WIPF1: variants seen among roughly 807,000 people sequenced by gnomAD.
WIPF1 encodes WAS/WASL interacting protein family member 1.
A neutral mutation model predicts 35.4 loss-of-function variants in WIPF1; 13 were observed. That is an observed-to-expected ratio of 0.37 (90% CI 0.24 to 0.58). The LOEUF (loss-of-function observed/expected upper bound fraction) is 0.58, where lower values mean the gene tolerates loss of function less well. Among genes scored for constraint, WIPF1 ranks in the 20% least tolerant of loss-of-function variants. WIPF1 has a pLI of 0.74. For synonymous variants in WIPF1, 267 were observed against 266.3 expected (o/e 1.00, Z -0.02); for missense variants, 591 against 667.0 (o/e 0.89, Z 1.25).
intron 1 of WIPF1, among the ~76,000 whole-genome samples, chr2:174,637,177 G>C (rs889283016): frequency 2.6e-5 from 4 of 151,796 alleles, no homozygotes. Context: ...TTCCAGCTTC[G>C]GCCACTGGGA....
upstream of WIPF1, among the ~76,000 whole-genome samples, chr2:174,602,410 C>T (rs1240999372): frequency 6.6e-6 from 1 of 152,168 alleles, no homozygotes; most frequent in Admixed American, 6.5e-5. Context: ...GTTGTGTTTC[C>T]ATGACTACCT....
intron 2 of WIPF1, 138 bp downstream of exon 2, chr2:174,585,385 C>T: frequency 1.1e-6 from 1 of 883,910 alleles, no homozygotes; most frequent in Non-Finnish European, 1.8e-6. Context: ...ATTTGGCTTA[C>T]CCTGGGCACT....
chr2:174,668,141 A>ATTGT (rs1183966867), intron 1 of WIPF1, among the ~76,000 whole-genome samples: 1 of 152,308 alleles, frequency 6.6e-6, no homozygotes, highest in African/African-American at 2.4e-5. Context: ...TAAAAAACAG[A>ATTGT]TTGTTCTATG....
chr2:174,652,984 T>C (rs997664198), intron 1 of WIPF1, among the ~76,000 whole-genome samples: 2 of 152,290 alleles, frequency 1.3e-5, no homozygotes, highest in Admixed American at 6.5e-5. Flanking sequence ...AAAATAAACA[T>C]TGAATATATA....
intron 1 of WIPF1, among the ~76,000 whole-genome samples, chr2:174,631,124 T>C (rs1687006693): frequency 6.6e-6 from 1 of 152,180 alleles, no homozygotes; most frequent in Non-Finnish European, 1.5e-5. Flanking sequence ...TCTGGGGACA[T>C]ACCAAAGGAA....
At chr2:174,582,462 A>G (rs892243368) in intron 2 of WIPF1, among the ~76,000 whole-genome samples, 5 of 152,244 alleles carry the variant, frequency 3.3e-5, no homozygotes, top group African/African-American at 1.2e-4. Flanking sequence ...CCCTTCTGAC[A>G]GGGATATGAT....
chr2:174,672,720 A>C (rs1337334513), intron 1 of WIPF1, among the ~76,000 whole-genome samples: 1 of 152,206 alleles, frequency 6.6e-6, no homozygotes, highest in Non-Finnish European at 1.5e-5. Flanking sequence ...CATCACAGAC[A>C]TGCTGGCCAC....
intron 1 of WIPF1, among the ~76,000 whole-genome samples, chr2:174,658,373 G>T (rs1687689720): frequency 1.3e-5 from 2 of 152,176 alleles, no homozygotes; most frequent in Admixed American, 1.3e-4. Flanking sequence ...ATTTAATTGG[G>T]TGAGTAGATG....
At chr2:174,614,514 A>G (rs1394357037) in intron 1 of WIPF1, among the ~76,000 whole-genome samples, 2 of 152,152 alleles carry the variant, frequency 1.3e-5, no homozygotes, top group Non-Finnish European at 2.9e-5. Flanking sequence ...GTAAGTGAGA[A>G]AAAAAAACAT....
chr2:174,626,293 T>C (rs191331371), intron 1 of WIPF1, among the ~76,000 whole-genome samples: 1 of 152,364 alleles, frequency 6.6e-6, no homozygotes, highest in African/African-American at 2.4e-5. Flanking sequence ...ATTCTCTCTC[T>C]GATTTCAGTC....
intron 1 of WIPF1, among the ~76,000 whole-genome samples, chr2:174,614,019 C>T (rs1686432598): frequency 6.6e-6 from 1 of 152,180 alleles, no homozygotes; most frequent in Non-Finnish European, 1.5e-5. Context: ...TTGTGCTGGT[C>T]ACTCTCATTC....
intron 1 of WIPF1, among the ~76,000 whole-genome samples, chr2:174,674,811 CTG>C (rs1274311970): frequency 1.3e-5 from 2 of 151,836 alleles, no homozygotes; most frequent in Admixed American, 1.3e-4. Flanking sequence ...GTCAGTGAGA[CTG>C]TGAATTACTA....
chr2:174,660,197 G>A lies in WIPF1; in HGVS notation c.-39+22577C>T, dbSNP rs185607331. Among the ~76,000 whole-genome samples, 235 of 152,288 alleles carry A rather than the reference G, an allele frequency of 1.5e-3. 4 individuals are homozygous for A. Among genetic ancestry groups the A allele is most frequent in the Admixed American group, 0.014 (210 of 15,286 alleles). On this transcript the variant is annotated intron_variant, in intron 1 of 8. Coordinates refer to the WIPF1 transcript ENST00000272746. ...TCAGGATTAGAACACAGACTACCAT[G>A]TGGAAACCACAGTGGGTGGAATTCT...
In WIPF1 at chr2:174,571,755, C is replaced by T. The variant is rs1451167601; in HGVS notation, c.1050G>A (p.Ser350=). The part of the protein sequence containing the change: ...SLSSSTPPLP[S]PGRSGPLPPP... ...GAGGAAGAGGACCTGAACGTCCTGG[C>T]GAAGGTAACGGGGGCGTGGACGAAC... Residue 350 remains serine, a synonymous_variant, in exon 5 of 8, where the codon TCG becomes TCA. Transcript: ENST00000679041. This position sits in a 1 kb window ranked among gnomAD's most constrained non-coding sequence, Gnocchi z 4.6. 6.2e-7 allele frequency: 1 copy of T among 1,614,058 alleles called. No homozygotes were observed. The highest frequency in any genetic ancestry group is 8.5e-7 in the Non-Finnish European group (1 of 1,180,012).
At chr2:174,582,542 C>G (rs1269902961) in intron 2 of WIPF1, among the ~76,000 whole-genome samples, 2 of 152,176 alleles carry the variant, frequency 1.3e-5, no homozygotes, top group Non-Finnish European at 2.9e-5. Context: ...CTTACCCAGC[C>G]TTTAAAAAAC....
At chr2:174,587,393 A>G (rs1685459139) in intron 1 of WIPF1, 2 of 152,220 alleles carry the variant, frequency 1.3e-5, no homozygotes, top group Non-Finnish European at 2.9e-5. Flanking sequence ...TTCAACCACT[A>G]CAAGTTAATG....
chr2:174,638,871 A>G (rs2105944829), intron 1 of WIPF1, among the ~76,000 whole-genome samples: 1 of 152,352 alleles, frequency 6.6e-6, no homozygotes, highest in Non-Finnish European at 1.5e-5. Flanking sequence ...CTTCAACATA[A>G]TGATTTCATA....
intron 1 of WIPF1, among the ~76,000 whole-genome samples, chr2:174,591,854 G>A (rs985571702): frequency 6.6e-6 from 1 of 152,126 alleles, no homozygotes; most frequent in Admixed American, 6.5e-5. Context: ...ATCAACTAGG[G>A]CATCTTGCAG....
At chr2:174,627,516 TTCCC>T (rs1316916550) in intron 1 of WIPF1, among the ~76,000 whole-genome samples, 2 of 147,314 alleles carry the variant, frequency 1.4e-5, no homozygotes, top group Non-Finnish European at 3.0e-5. Context: ...CCTTCCTTCC[TTCCC>T]TCCCTCCTTC....
Sources: gnomAD v4.1 joint callset for allele counts (sites outside exome capture counted in the v4.1 genomes callset) on GRCh38, gnomAD v4.1.1 for gene constraint, Gnocchi (gnomAD v3.1) non-coding constraint, MANE v1.5 for transcripts, NCBI Gene and HGNC (gene_info 2026-07-23, HGNC 2026-07-21) for gene names.